The following BEND4 variants were observed in gnomAD, a reference collection of about 807,000 sequenced individuals.
The protein encoded by BEND4 is BEN domain-containing protein 4.
BEND4 carries 27 observed loss-of-function variants against 54.7 expected under a neutral mutation model. The observed-to-expected ratio is 0.49, with a 90% CI of 0.36 to 0.68. The LOEUF (loss-of-function observed/expected upper bound fraction) is 0.68, where lower values mean the gene tolerates loss of function less well. Among genes scored for constraint, BEND4 ranks in the 30% least tolerant of loss-of-function variants. BEND4 has a pLI of 0.00. For missense variants in BEND4, 702 were observed against 697.2 expected (o/e 1.01, Z -0.08); for synonymous variants, 327 against 299.5 (o/e 1.09, Z -0.95).
chr4:42,120,909 CA>C (rs1439122798), intron 4 of BEND4, among the ~76,000 whole-genome samples: 2 of 152,122 alleles, frequency 1.3e-5, no homozygotes, highest in African/African-American at 2.4e-5. Flanking sequence ...TATGTCAACT[CA>C]AAATTTTTCT....
intron 3 of BEND4, among the ~76,000 whole-genome samples, chr4:42,134,757 A>C (rs1720637533): frequency 6.6e-6 from 1 of 152,218 alleles, no homozygotes; most frequent in African/African-American, 2.4e-5. Flanking sequence ...CTGGGTACTA[A>C]AGGATGAATA....
intron 3 of BEND4, among the ~76,000 whole-genome samples, chr4:42,130,470 A>C (rs767288663): frequency 7.6e-6 from 1 of 131,006 alleles, no homozygotes; most frequent in Non-Finnish European, 1.6e-5. Flanking sequence ...ACAGAGCAAG[A>C]GTCCGTCTCA....
At chr4:42,130,109 C>G (rs1720450626) in intron 3 of BEND4, among the ~76,000 whole-genome samples, 1 of 152,126 alleles carries the variant, frequency 6.6e-6, no homozygotes, top group Non-Finnish European at 1.5e-5. Context: ...AGACACTTCT[C>G]AAAAGAAGAC....
At chr4:42,132,430 TTTTTA>T (rs1720540540) in intron 3 of BEND4, among the ~76,000 whole-genome samples, 1 of 140,354 alleles carries the variant, frequency 7.1e-6, no homozygotes, top group South Asian at 2.1e-4. Context: ...AATTAGAAAT[TTTTTA>T]TTTTATTATT....
chr4:42,123,705 A>ACAAAAAAAACAAAAC (rs749474601), intron 4 of BEND4, among the ~76,000 whole-genome samples: 179 of 144,984 alleles, frequency 1.2e-3, no homozygotes, highest in Non-Finnish European at 2.2e-3. Context: ...AAAAAAAAAA[A>ACAAAAAAAACAAAAC]AAAAAAAAAA....
rs756566885 is a variant in BEND4 at position 42,151,647 on chromosome 4, G to A, written c.487+10C>T. The A allele has an allele frequency of 1.0e-5, 15 of 1,456,968 alleles. No homozygotes were observed. Among genetic ancestry groups the A allele is most frequent in the Non-Finnish European group, 1.3e-5 (15 of 1,111,640 alleles). The allele number at this position is 1,456,968 out of a possible 1,614,324, so 90.3% of individuals were successfully genotyped here. A position where few individuals can be genotyped will look rare whatever the true frequency, so the allele number is the denominator to read the frequency against. On this transcript the variant is annotated intron_variant, in intron 2 of 5. Coordinates refer to ENST00000502486, the MANE Select transcript of BEND4 (RefSeq NM_207406.4). The stretch of plus-strand genomic sequence containing the variant: ...GTGGCGGGAAGGAAAGTTGTGCGGA[G>A]AGTTGGTACCTGCGCTGAGCTCCAG...
chr4:42,149,185 G>C (rs1023151960), intron 2 of BEND4, among the ~76,000 whole-genome samples: 1 of 149,820 alleles, frequency 6.7e-6, no homozygotes, highest in African/African-American at 2.5e-5. Flanking sequence ...GCAAAGCGCC[G>C]CTCCCACCCC....
intron 3 of BEND4, among the ~76,000 whole-genome samples, chr4:42,131,546 AGGGGAC>A (rs1461686848): frequency 6.6e-6 from 1 of 152,160 alleles, no homozygotes; most frequent in African/African-American, 2.4e-5. Context: ...TTCAGTGTGG[AGGGGAC>A]AGTCCTGGAA....
chr4:42,148,122 G>C (rs901745472), intron 2 of BEND4, among the ~76,000 whole-genome samples: 2 of 150,732 alleles, frequency 1.3e-5, no homozygotes, highest in Non-Finnish European at 2.9e-5. Flanking sequence ...CAAAATAGAT[G>C]ATTTCCTTAA....
At chr4:42,127,103 A>T (rs1421179672) in intron 3 of BEND4, among the ~76,000 whole-genome samples, 1 of 152,234 alleles carries the variant, frequency 6.6e-6, no homozygotes, top group East Asian at 1.9e-4. Context: ...AACAGGAATT[A>T]TCATTTTATG....
chr4:42,140,867 T>A (rs574427851), intron 3 of BEND4, among the ~76,000 whole-genome samples: 2 of 152,166 alleles, frequency 1.3e-5, no homozygotes, highest in African/African-American at 2.4e-5. Context: ...TTGGTTATGG[T>A]TCTGAGTGGC....
chr4:42,129,949 A>G (rs1054339871), intron 3 of BEND4, among the ~76,000 whole-genome samples: 4 of 152,244 alleles, frequency 2.6e-5, no homozygotes, highest in Admixed American at 2.6e-4. Context: ...AACTATTATC[A>G]GAGTCAACAA....
In BEND4 at chr4:42,125,678, G is replaced by C; in HGVS notation, c.1055-4C>G. ...TCTAAAACGGTCTGGCAGGGCACTG[G>C]GTGGAAGAAATGGCAACAATTACAC... On this transcript the variant is annotated splice_region_variant and splice_polypyrimidine_tract_variant and intron_variant, in intron 3 of 5. Coordinates refer to ENST00000502486, the MANE Select transcript of BEND4 (RefSeq NM_207406.4). 2.5e-6 allele frequency: 4 copies of C among 1,586,310 alleles called. No homozygotes were observed. The highest frequency in any genetic ancestry group is 3.4e-6 in the Non-Finnish European group (4 of 1,166,396).
chr4:42,140,752 A>G (rs7659304), intron 3 of BEND4, among the ~76,000 whole-genome samples: 11,797 of 146,472 alleles, frequency 0.081, 1,521 homozygotes, highest in African/African-American at 0.27. Context: ...GAATTAGACA[A>G]TAATACTTGG....
At position 42,120,074 on chromosome 4, in the gene BEND4, A is replaced by C; in HGVS notation, c.1367T>G (p.Val456Gly). 6.2e-7 allele frequency: 1 copy of C among 1,613,930 alleles called. No individual in the cohort carries two copies. The highest frequency in any genetic ancestry group is 8.5e-7 in the Non-Finnish European group (1 of 1,179,860). Residue 456 changes from valine (V) to glycine (G), a missense_variant, in exon 5 of 6, where the codon GTT (valine) becomes GGT (glycine). Physicochemically the swap from Val to Gly is moderately radical, Grantham distance 109 (BLOSUM62 -3). Coordinates refer to ENST00000502486, the MANE Select transcript of BEND4 (RefSeq NM_207406.4). ...TGPERRPLDP[V>G]KVTCLREFIR... ...AGTACCTCGGAGGCATGTTACTTTA[A>C]CTGGATCCAGAGGGCGTCTTTCGGG...
chr4:42,142,525 C>T (rs1244950943), intron 3 of BEND4, among the ~76,000 whole-genome samples: 1 of 150,028 alleles, frequency 6.7e-6, no homozygotes, highest in African/African-American at 2.4e-5. Flanking sequence ...CCCAGCTACT[C>T]GGGAGGCTGA....
chr4:42,143,926 C>T lies in BEND4; in HGVS notation c.556G>A (p.Gly186Arg), dbSNP rs1017832237. The change falls in exon 3 of 6, where the codon GGA (glycine) becomes AGA (arginine). Residue 186 changes from glycine to arginine, a missense_variant. Gly to Arg is a moderately radical substitution (Grantham distance 125, BLOSUM62 -2). Transcript: ENST00000502486. The stretch of plus-strand genomic sequence containing the variant: ...GAATGGTTGGAGTCCAGGAGTTTTC[C>T]TCCACAATTTAAGAGGCTAAGAACT... ...SRVLSLLNCG[G>R]KLLDSNHSQS... 5.2e-6 allele frequency: 8 copies of T among 1,536,558 alleles called. No individual in the cohort carries two copies. The highest frequency in any genetic ancestry group is 7.0e-6 in the Non-Finnish European group (8 of 1,146,128).
chr4:42,149,773 G>C (rs1560586011), intron 2 of BEND4, among the ~76,000 whole-genome samples: 1 of 151,832 alleles, frequency 6.6e-6, no homozygotes, highest in African/African-American at 2.4e-5. Flanking sequence ...AAACTGCCAG[G>C]GTAGAAGTAA....
intron 3 of BEND4, 70 bp from the exon 4 acceptor site, chr4:42,125,744 A>AT: frequency 1.8e-6 from 2 of 1,114,690 alleles, no homozygotes; most frequent in Non-Finnish European, 2.5e-6. Flanking sequence ...AATTTTTTAA[A>AT]GTTTTTTTTT....
Sources: gnomAD v4.1 joint callset for allele counts (sites outside exome capture counted in the v4.1 genomes callset) on GRCh38, gnomAD v4.1.1 for gene constraint, MANE v1.5 for transcripts, NCBI Gene and HGNC (gene_info 2026-07-23, HGNC 2026-07-21) for gene names.